Variants in FRMPD4 observed in about 807,000 individuals in gnomAD.
The protein encoded by FRMPD4 is FERM and PDZ domain containing 4, also known as FERM and PDZ domain-containing protein 4.
FRMPD4 carries 22 observed loss-of-function variants against 94.1 expected under a neutral mutation model. The observed-to-expected ratio is 0.23, with a 90% CI of 0.17 to 0.33. The LOEUF is 0.33. Among genes scored for constraint, FRMPD4 ranks in the 10% least tolerant of loss-of-function variants. FRMPD4 has a pLI of 1.00. For synonymous variants in FRMPD4, 631 were observed against 548.6 expected, an observed-to-expected ratio of 1.15 and a Z score of -2.10; for missense variants, 1,111 against 1,339.9, an observed-to-expected ratio of 0.83 and a Z score of 2.67.
At chrX:12,514,599 C>T (rs779362304) in intron 2 of FRMPD4, among the ~76,000 whole-genome samples, 5 of 112,147 alleles carry the variant, frequency 4.5e-5, no homozygotes, top group African/African-American at 1.6e-4. Context: ...TGATGTGCTG[C>T]TGGATTTGGT....
chrX:12,406,939 C>T (rs911478851), intron 1 of FRMPD4, among the ~76,000 whole-genome samples: 5 of 111,828 alleles, frequency 4.5e-5, no homozygotes, highest in African/African-American at 1.6e-4. Flanking sequence ...GTCAGGAGGG[C>T]CAGTTCCTTC....
At chrX:12,001,140 T>A (rs905307855) in intron 3 of FRMPD4, among the ~76,000 whole-genome samples, 2 of 111,974 alleles carry the variant, frequency 1.8e-5, no homozygotes, top group African/African-American at 6.5e-5. Context: ...GGTATGCACA[T>A]AACCTTAAGA....
At chrX:12,181,498 A>C (rs1257212110) in intron 1 of FRMPD4, among the ~76,000 whole-genome samples, 2 of 111,757 alleles carry the variant, frequency 1.8e-5, no homozygotes, top group African/African-American at 6.5e-5. Context: ...TGAGATTAGA[A>C]CTGGTTGCAT....
At chrX:12,522,233 A>G (rs1382161992) in intron 2 of FRMPD4, among the ~76,000 whole-genome samples, 3 of 111,870 alleles carry the variant, frequency 2.7e-5, no homozygotes, top group Admixed American at 9.5e-5. Context: ...TCAAGGTTCT[A>G]TGAGAAGACT....
chrX:12,724,288 T>C lies in FRMPD4; in HGVS notation c.*2430T>C, dbSNP rs2042292531. 2.7e-5 allele frequency: 3 copies of C among 111,683 alleles called. No individual in the cohort carries two copies. The highest frequency in any genetic ancestry group is 1.9e-4 in the Admixed American group (2 of 10,523). The allele number at this position is 111,683 out of a possible 1,213,427, so 9.2% of individuals were successfully genotyped here. On this transcript the variant is annotated 3_prime_UTR_variant, in exon 17 of 17. Coordinates refer to ENST00000675598, the MANE Select transcript of FRMPD4 (RefSeq NM_001368397.1). ...CATTACTGCGCCAGTAAGTTTCTGT[T>C]TCTTATAAATAAACTCTTTGCTATT...
intron 1 of FRMPD4, among the ~76,000 whole-genome samples, chrX:12,358,995 G>A (rs1040121166): frequency 8.9e-6 from 1 of 112,093 alleles, no homozygotes; most frequent in Admixed American, 9.4e-5. Context: ...GGGAAGCACT[G>A]TCTTTTTTTT....
At chrX:12,548,214 AG>A (rs1435344564) in intron 2 of FRMPD4, among the ~76,000 whole-genome samples, 1 of 112,243 alleles carries the variant, frequency 8.9e-6, no homozygotes, top group Non-Finnish European at 1.9e-5. Flanking sequence ...TCTTAACTAA[AG>A]ATGAAGGAAT....
chrX:12,167,478 C>T (rs936984062), intron 1 of FRMPD4, among the ~76,000 whole-genome samples: 3 of 111,025 alleles, frequency 2.7e-5, no homozygotes, highest in African/African-American at 9.8e-5. Flanking sequence ...TTAGCTTTGG[C>T]TCCAGTAATC....
Position 12,039,968 on chromosome X carries a change from AAAAAAAAAAAAAAAAAG to A in FRMPD4, c.95+161960_95+161976del, listed in dbSNP as rs887198726. Among the ~76,000 whole-genome samples, 241 of 80,152 alleles carry A rather than the reference AAAAAAAAAAAAAAAAAG, an allele frequency of 3.0e-3. 1 individual carries two copies. Among genetic ancestry groups the A allele is most frequent in the Admixed American group, 0.01 (67 of 6,528 alleles). 69.6% of individuals were successfully genotyped at this position (80,152 alleles called of 115,157 possible). ...TGGGCAACAAGAGCAAAACTTTGTC[AAAAAAAAAAAAAAAAAG>A]AAAAAAAAAGAAAAAAGAATGTATT... On this transcript the variant is annotated intron_variant, in intron 3 of 18. Coordinates refer to the FRMPD4 transcript ENST00000640291.
At chrX:12,444,524 A>G (rs1347772881) in intron 1 of FRMPD4, among the ~76,000 whole-genome samples, 8 of 112,044 alleles carry the variant, frequency 7.1e-5, no homozygotes, top group South Asian at 7.6e-4. Context: ...GCAGGGTTTT[A>G]TCTTGTTCCT....
chrX:11,838,899 G>C (rs939271216), intron 1 of FRMPD4, among the ~76,000 whole-genome samples: 5 of 111,157 alleles, frequency 4.5e-5, no homozygotes, highest in Admixed American at 3.8e-4. Context: ...TAGATATTTA[G>C]GTTATTTAAT....
At chrX:12,111,603 C>G (rs2055362382) in intron 3 of FRMPD4, among the ~76,000 whole-genome samples, 1 of 111,384 alleles carries the variant, frequency 9.0e-6, no homozygotes, top group Non-Finnish European at 1.9e-5. Context: ...TTCTGCACAG[C>G]AAAAGAAACT....
chrX:12,427,469 A>G (rs1362691324), intron 1 of FRMPD4, among the ~76,000 whole-genome samples: 1 of 111,364 alleles, frequency 9.0e-6, no homozygotes, highest in African/African-American at 3.3e-5. Context: ...GGATGGAGAC[A>G]AGCTAGGAGA....
chrX:12,254,366 G>A (rs984417665), intron 1 of FRMPD4, among the ~76,000 whole-genome samples: 4 of 112,029 alleles, frequency 3.6e-5, no homozygotes, highest in East Asian at 2.8e-4. Context: ...AGGTGAAGAC[G>A]TCAAGTGGAC....
At chrX:12,702,462 T>C (rs1010837420) in intron 10 of FRMPD4, among the ~76,000 whole-genome samples, 4 of 112,033 alleles carry the variant, frequency 3.6e-5, no homozygotes, top group Admixed American at 1.9e-4. Context: ...CCCGTTGTGC[T>C]ATAGATTGTG....
intron 1 of FRMPD4, among the ~76,000 whole-genome samples, chrX:12,289,941 A>T (rs1452327582): frequency 1.8e-5 from 2 of 112,080 alleles, no homozygotes; most frequent in Non-Finnish European, 3.8e-5. Flanking sequence ...GGTAGTGCAG[A>T]ATGAGGAGGG....
At position 12,452,597 on chromosome X, in the gene FRMPD4, C is replaced by T. The variant is rs756088171; in HGVS notation, c.42-46083C>T. On this transcript the variant is annotated intron_variant, in intron 1 of 16. Transcript: ENST00000675598. ...GGCCTATGTTTTAACGAAAAGTATG[C>T]CCCCTCAAAAAAAGATTGAACATCT... is the stretch of plus-strand genomic sequence containing the variant. 2.7e-5 allele frequency among the ~76,000 whole-genome samples: 3 copies of T among 111,732 alleles called. No individual in the cohort carries two copies. In the East Asian group the frequency reaches 8.4e-4, roughly 31 times the overall value.
chrX:12,110,337 G>T (rs941383478), intron 3 of FRMPD4, among the ~76,000 whole-genome samples: 1 of 112,247 alleles, frequency 8.9e-6, no homozygotes, highest in African/African-American at 3.2e-5. Context: ...TATCTCAATA[G>T]ATGCAGAAAA....
At chrX:11,996,213 A>G (rs1374885036) in intron 3 of FRMPD4, among the ~76,000 whole-genome samples, 1 of 112,091 alleles carries the variant, frequency 8.9e-6, no homozygotes, top group Admixed American at 9.4e-5. Context: ...TCTTTGATAA[A>G]TTATGGAAGT....
Sources: allele counts gnomAD v4.1 joint callset (sites outside exome capture counted in the v4.1 genomes callset), GRCh38; gene constraint gnomAD v4.1.1; transcripts MANE v1.5; gene names NCBI Gene and HGNC (gene_info 2026-07-23, HGNC 2026-07-21).